Variants in P2RY2 observed in about 807,000 individuals in gnomAD.
P2RY2 encodes the protein P2Y purinoceptor 2.
For synonymous variants in P2RY2, 241 were observed against 231.9 expected (o/e 1.04, Z -0.35); for missense variants, 567 against 515.7 (o/e 1.10, Z -0.96).
chr11:73,234,287 T>C lies in P2RY2; in HGVS notation c.128T>C (p.Val43Ala). 6.2e-7 allele frequency: 1 copy of C among 1,614,176 alleles called. No homozygotes were observed. The highest frequency in any genetic ancestry group is 8.5e-7 in the Non-Finnish European group (1 of 1,180,018). ...YVLLPVSYGV[V>A]CVPGLCLNAV... ...CTGCTGCCTGTGTCCTACGGCGTGG[T>C]GTGCGTGCCTGGGCTGTGTCTGAAC... Residue 43 changes from valine to alanine, a missense_variant, in exon 3 of 3, where the codon GTG becomes GCG. Physicochemically the swap from Val to Ala is moderately conservative, Grantham distance 64. Coordinates refer to ENST00000393597, the MANE Select transcript of P2RY2 (RefSeq NM_002564.4).
At chr11:73,224,417 T>C (rs1862217241) in intron 1 of P2RY2, among the ~76,000 whole-genome samples, 1 of 152,188 alleles carries the variant, frequency 6.6e-6, no homozygotes, top group Non-Finnish European at 1.5e-5. Flanking sequence ...AGGCGCTCTC[T>C]CCTCCAGGAA....
intron 1 of P2RY2, among the ~76,000 whole-genome samples, chr11:73,226,309 G>T (rs912457177): frequency 4.6e-5 from 7 of 152,164 alleles, no homozygotes; most frequent in Non-Finnish European, 1.0e-4. Flanking sequence ...GTTGAGTCAA[G>T]GCATTTTCTA....
chr11:73,227,153 C>T (rs1862301942), intron 1 of P2RY2, among the ~76,000 whole-genome samples: 1 of 152,144 alleles, frequency 6.6e-6, no homozygotes, highest in South Asian at 2.1e-4. Context: ...TGTTCAACTC[C>T]CACTTATAAG....
At position 73,235,066 on chromosome 11, in the gene P2RY2, C is replaced by A; in HGVS notation, c.907C>A (p.Pro303Thr). 1 of 1,608,138 alleles carries A rather than the reference C, an allele frequency of 6.2e-7. No individual in the cohort carries two copies. The highest frequency in any genetic ancestry group is 8.5e-7 in the Non-Finnish European group (1 of 1,179,682). Residue 303 changes from proline to threonine, a missense_variant, in exon 3 of 3, where the codon CCC becomes ACC. Physicochemically the swap from Pro to Thr is conservative, Grantham distance 38. Coordinates refer to ENST00000393597, the MANE Select transcript of P2RY2 (RefSeq NM_002564.4). Reference sequence around the variant, plus strand: ...GGCCAGTGCTAACAGTTGCCTTGACCCCGTGCTCTACTTCCTGGCTGGGCA... The same window carrying A: ...GGCCAGTGCTAACAGTTGCCTTGACACCGTGCTCTACTTCCTGGCTGGGCA... The part of the protein sequence containing the change: ...PLASANSCLD[P>T]VLYFLAGQRL...
chr11:73,237,407 C>A lies in P2RY2; in HGVS notation c.*2114C>A, dbSNP rs924336286. On this transcript the variant is annotated 3_prime_UTR_variant, in exon 3 of 3. Transcript: ENST00000393597. ...GGATTACAGGTATGCGCCACCACAC[C>A]TGGCTAATTTTTGTATTTTTAATAG... Among the ~76,000 whole-genome samples, 2 of 152,112 alleles carry A rather than the reference C, an allele frequency of 1.3e-5. No individual in the cohort carries two copies. Among genetic ancestry groups the A allele is most frequent in the African/African-American group, 2.4e-5 (1 of 41,390 alleles).
At chr11:73,232,605 C>T (rs926924117) in intron 2 of P2RY2, among the ~76,000 whole-genome samples, 3 of 152,092 alleles carry the variant, frequency 2.0e-5, no homozygotes, top group Non-Finnish European at 4.4e-5. Context: ...GACAGGGTTT[C>T]TCCATGTTGG....
chr11:73,237,146 T>C lies in P2RY2; in HGVS notation c.*1853T>C. ...CAGACCATGACCCAAATGATTACTC[T>C]GTACTGTGCCAGGTGGGTGACCTGC... On this transcript the variant is annotated 3_prime_UTR_variant, in exon 3 of 3. Coordinates refer to ENST00000393597, the MANE Select transcript of P2RY2 (RefSeq NM_002564.4). 1.0e-6 allele frequency: 1 copy of C among 984,718 alleles called. No individual in the cohort carries two copies. The highest frequency in any genetic ancestry group is 1.2e-6 in the Non-Finnish European group (1 of 829,296). 61.0% of individuals were successfully genotyped at this position (984,718 alleles called of 1,614,324 possible).
Position 73,239,542 on chromosome 11 carries a change from T to A in P2RY2, c.*4249T>A, listed in dbSNP as rs1163637868. 2 of 152,274 alleles carry A rather than the reference T, an allele frequency of 1.3e-5. No homozygotes were observed. Among genetic ancestry groups the A allele is most frequent in the Admixed American group, 6.5e-5 (1 of 15,288 alleles). 9.4% of individuals were successfully genotyped at this position (152,274 alleles called of 1,614,324 possible). A position where few individuals can be genotyped will look rare whatever the true frequency, so the allele number is the denominator to read the frequency against. On this transcript the variant is annotated 3_prime_UTR_variant, in exon 3 of 3. Coordinates refer to ENST00000393597, the MANE Select transcript of P2RY2 (RefSeq NM_002564.4). ...TTCTCCCTGACTGGGGTGTCCACCA[T>A]GGTGCTCTGCAGCCACCTCTCACTT... is the stretch of plus-strand genomic sequence containing the variant.
rs112748268 is a variant in P2RY2 at position 73,232,474 on chromosome 11, T to G, written c.-4-1682T>G. ...TCACCCAGGCTGGAGTACAGTGGCA[T>G]GATTTTAGCTCACTGCAACCTCCAC... On this transcript the variant is annotated intron_variant, in intron 2 of 2. Coordinates refer to ENST00000393597, the MANE Select transcript of P2RY2 (RefSeq NM_002564.4). Among the ~76,000 whole-genome samples the G allele has an allele frequency of 7.4e-3, 1,129 of 152,200 alleles. 20 individuals carry two copies. Among genetic ancestry groups the G allele is most frequent in the African/African-American group, 0.025 (1,041 of 41,504 alleles).
rs1862689066 is a variant in P2RY2 at position 73,237,766 on chromosome 11, G to T, written c.*2473G>T. 6.6e-6 allele frequency among the ~76,000 whole-genome samples: 1 copy of T among 152,170 alleles called. No individual in the cohort carries two copies. Among genetic ancestry groups the T allele is most frequent in the African/African-American group, 2.4e-5 (1 of 41,414 alleles). ...CTTGGTATGCACGTCCCACCTTGCT[G>T]CTCAGTGCCCAGGCCACTTGCCTTG... On this transcript the variant is annotated 3_prime_UTR_variant, in exon 3 of 3. Coordinates refer to ENST00000393597, the MANE Select transcript of P2RY2 (RefSeq NM_002564.4).
intron 2 of P2RY2, among the ~76,000 whole-genome samples, chr11:73,233,203 G>A (rs1423842405): frequency 6.6e-6 from 1 of 152,212 alleles, no homozygotes; most frequent in Non-Finnish European, 1.5e-5. Context: ...GTTACTTCAG[G>A]GGGATTCCCT....
intron 1 of P2RY2, among the ~76,000 whole-genome samples, chr11:73,225,617 G>A (rs929369122): frequency 9.3e-5 from 10 of 107,148 alleles, no homozygotes; most frequent in Admixed American, 1.8e-4. Context: ...GTGGTCAGGG[G>A]CACAGCCTCT....
intron 1 of P2RY2, among the ~76,000 whole-genome samples, chr11:73,219,581 A>C (rs1862061934): frequency 6.6e-6 from 1 of 152,186 alleles, no homozygotes; most frequent in African/African-American, 2.4e-5. Flanking sequence ...GCCTCCCAGA[A>C]CCAGAATCCC....
intron 1 of P2RY2, among the ~76,000 whole-genome samples, chr11:73,225,077 A>T (rs1862239140): frequency 6.6e-6 from 1 of 151,904 alleles, no homozygotes; most frequent in African/African-American, 2.4e-5. Flanking sequence ...ACAGCACCCA[A>T]CTCCTGGCAG....
rs184448850 is a variant in P2RY2, at chr11:73,219,770, A to G, written c.-200+1338A>G. Among the ~76,000 whole-genome samples the G allele has an allele frequency of 6.6e-5, 10 of 152,278 alleles. No individual in the cohort carries two copies. In the East Asian group the frequency reaches 1.9e-3, roughly 29 times the overall value. On this transcript the variant is annotated intron_variant, in intron 1 of 2. Coordinates refer to ENST00000393597, the MANE Select transcript of P2RY2 (RefSeq NM_002564.4). ...TCATTTCTTGCCCCTGGCCTGTTGCATATTCTACACTCCCTCTCTGATAAG... is the reference window on the plus strand; with the variant it reads ...TCATTTCTTGCCCCTGGCCTGTTGCGTATTCTACACTCCCTCTCTGATAAG...
intron 2 of P2RY2, among the ~76,000 whole-genome samples, chr11:73,229,885 G>A (rs1862398549): frequency 6.6e-6 from 1 of 152,086 alleles, no homozygotes; most frequent in South Asian, 2.1e-4. Flanking sequence ...CATCATGGAG[G>A]AAGCCCCCTC....
Position 73,240,349 on chromosome 11 carries a change from C to T in P2RY2, c.*5056C>T, listed in dbSNP as rs551376222. 20 of 153,198 alleles carry T rather than the reference C, an allele frequency of 1.3e-4. No individual in the cohort carries two copies. In the South Asian group the frequency reaches 2.9e-3, roughly 22 times the overall value. 9.5% of individuals were successfully genotyped at this position (153,198 alleles called of 1,614,324 possible). A position where few individuals can be genotyped will look rare whatever the true frequency, so the allele number is the denominator to read the frequency against. On this transcript the variant is annotated 3_prime_UTR_variant, in exon 3 of 3. Coordinates refer to ENST00000393597, the MANE Select transcript of P2RY2 (RefSeq NM_002564.4). Reference sequence around the variant, plus strand: ...GCCCTGGACCATTGTCCAGCAGTGACGCGGGGGACCTGCCTGCCCCAAAAT... The same window carrying T: ...GCCCTGGACCATTGTCCAGCAGTGATGCGGGGGACCTGCCTGCCCCAAAAT...
intron 2 of P2RY2, among the ~76,000 whole-genome samples, chr11:73,233,767 G>A (rs937217698): frequency 3.3e-5 from 5 of 152,210 alleles, no homozygotes; most frequent in Non-Finnish European, 7.3e-5. Flanking sequence ...TTATAGGCAT[G>A]AGCCACCGTA....
chr11:73,232,102 GC>G (rs1461511123), intron 2 of P2RY2, among the ~76,000 whole-genome samples: 1 of 151,980 alleles, frequency 6.6e-6, no homozygotes, highest in Non-Finnish European at 1.5e-5. Context: ...GAATTATACG[GC>G]CCCAGATTCT....
Sources: gnomAD v4.1 joint callset for allele counts (sites outside exome capture counted in the v4.1 genomes callset) on GRCh38, gnomAD v4.1.1 for gene constraint, MANE v1.5 for transcripts, NCBI Gene and HGNC (gene_info 2026-07-23, HGNC 2026-07-21) for gene names.